The following MSN variants were observed in gnomAD, a reference collection of about 807,000 sequenced individuals.
MSN encodes the protein epididymis luminal protein 70.
In MSN, 2 loss-of-function variants were observed where a neutral mutation model predicts 48.0. The ratio of observed to expected loss-of-function variants is 0.04; its 90% CI spans 0.02 to 0.13. The LOEUF (loss-of-function observed/expected upper bound fraction) is 0.13, where lower values mean the gene tolerates loss of function less well. MSN is among the 10% of genes least tolerant of loss of function. The pLI, the probability that MSN is intolerant of heterozygous loss-of-function variation, is 1.00. For synonymous variants in MSN, 146 were observed against 166.9 expected (o/e 0.87, Z 0.97); for missense variants, 267 against 470.1 (o/e 0.57, Z 3.99).
chrX:65,680,663 G>T (rs1320263856), intron 1 of MSN, among the ~76,000 whole-genome samples: 1 of 111,537 alleles, frequency 9.0e-6, no homozygotes, highest in African/African-American at 3.3e-5. Context: ...TGGTAGCTTT[G>T]TGGGCCCAAG....
At chrX:65,690,951 T>C (rs1357574473) in intron 1 of MSN, among the ~76,000 whole-genome samples, 1 of 111,494 alleles carries the variant, frequency 9.0e-6, no homozygotes, top group Non-Finnish European at 1.9e-5. Flanking sequence ...GCTCCTTCTA[T>C]GGTAGGAAAG....
At chrX:65,676,367 T>C (rs1055552962) in intron 1 of MSN, among the ~76,000 whole-genome samples, 1 of 112,209 alleles carries the variant, frequency 8.9e-6, no homozygotes. Context: ...GCCACTAATA[T>C]GGCAAATGGC....
At position 65,728,336 on chromosome X, in the gene MSN, C is replaced by G. The variant is rs770478535; in HGVS notation, c.192+427C>G. Among the ~76,000 whole-genome samples the G allele has an allele frequency of 7.2e-5, 8 of 111,379 alleles. No individual in the cohort carries two copies. In the East Asian group the frequency reaches 2.3e-3, roughly 31 times the overall value. On this transcript the variant is annotated intron_variant, in intron 3 of 12. Transcript: ENST00000360270. ...TTTGACGGAGTCTCGCACTCTCGCC[C>G]AGGCTGGAGTGCAGTGGTGCCATCT... is the stretch of plus-strand genomic sequence containing the variant.
At chrX:65,616,904 T>C (rs1352832202) in intron 1 of MSN, among the ~76,000 whole-genome samples, 1 of 110,458 alleles carries the variant, frequency 9.1e-6, no homozygotes. Flanking sequence ...TTATTGAGAG[T>C]TTTTAGCATG....
chrX:65,588,490 C>G, exon 1 of MSN: 1 of 719,053 alleles, frequency 1.4e-6, no homozygotes. Flanking sequence ...GCAGGGGCAG[C>G]CATGAGCTCC....
At chrX:65,648,142 G>C (rs1040560606) in intron 1 of MSN, among the ~76,000 whole-genome samples, 1 of 109,751 alleles carries the variant, frequency 9.1e-6, no homozygotes, top group African/African-American at 3.3e-5. Context: ...GGGTGGGGGG[G>C]GCGTGAGGAA....
At chrX:65,656,101 A>G (rs1462626923) in intron 1 of MSN, among the ~76,000 whole-genome samples, 1 of 112,513 alleles carries the variant, frequency 8.9e-6, no homozygotes, top group East Asian at 2.8e-4. Context: ...GAATTATTGT[A>G]TGGATATACC....
chrX:65,666,533 G>A (rs2070872407), upstream of MSN, among the ~76,000 whole-genome samples: 1 of 110,511 alleles, frequency 9.0e-6, no homozygotes, highest in African/African-American at 3.3e-5. Flanking sequence ...TGGCCAGGCT[G>A]GTCTTGAACT....
intron 1 of MSN, among the ~76,000 whole-genome samples, chrX:65,620,280 G>A (rs1394828389): frequency 1.8e-5 from 2 of 112,613 alleles, no homozygotes; most frequent in South Asian, 3.6e-4. Flanking sequence ...AGCAAGCCTG[G>A]GCAATGGAGG....
chrX:65,625,120 A>G (rs2070493630), intron 1 of MSN: 1 of 112,649 alleles, frequency 8.9e-6, no homozygotes, highest in Admixed American at 9.4e-5. Context: ...ACTTCACTGC[A>G]TGTGGTCGAG....
At chrX:65,651,316 TAA>T (rs202012665) in intron 1 of MSN, among the ~76,000 whole-genome samples, 7 of 77,035 alleles carry the variant, frequency 9.1e-5, no homozygotes, top group Admixed American at 3.1e-4. Context: ...AGACTCTATC[TAA>T]AAAAAAAAAA....
chrX:65,672,630 A>T (rs1202143278), intron 1 of MSN, among the ~76,000 whole-genome samples: 1 of 111,572 alleles, frequency 9.0e-6, no homozygotes, highest in East Asian at 2.8e-4. Flanking sequence ...TGAACTGAGA[A>T]TTTTTCTTCT....
intron 2 of MSN, among the ~76,000 whole-genome samples, chrX:65,719,590 T>C (rs1054944409): frequency 8.9e-6 from 1 of 111,809 alleles, no homozygotes; most frequent in Non-Finnish European, 1.9e-5. Context: ...CATAGGCTTT[T>C]GGGCCCTTTG....
At chrX:65,722,535 C>T (rs1414406033) in intron 2 of MSN, among the ~76,000 whole-genome samples, 1 of 109,419 alleles carries the variant, frequency 9.1e-6, no homozygotes, top group Non-Finnish European at 1.9e-5. Flanking sequence ...AGTGATCCTC[C>T]CACTTCAGCC....
chrX:65,625,798 C>T (rs909436899), intron 1 of MSN: 2 of 105,131 alleles, frequency 1.9e-5, no homozygotes, highest in Admixed American at 9.8e-5. Context: ...CTTACTTCTA[C>T]CTTTTTGCTA....
chrX:65,739,587 G>T, intron 12 of MSN, 142 bp from the exon 13 acceptor site: 1 of 679,909 alleles, frequency 1.5e-6, no homozygotes, highest in Non-Finnish European at 2.1e-6. Context: ...TAACAGAGTT[G>T]GAAATGACTC....
At chrX:65,655,736 A>G (rs777053569) in intron 1 of MSN, among the ~76,000 whole-genome samples, 4 of 112,579 alleles carry the variant, frequency 3.6e-5, no homozygotes, top group Non-Finnish European at 5.6e-5. Context: ...ACCTCTTTTC[A>G]TGATAGCTTG....
chrX:65,695,507 C>CAA (rs759652563), intron 1 of MSN, among the ~76,000 whole-genome samples: 368 of 12,921 alleles, frequency 0.028, 28 homozygotes, highest in African/African-American at 0.048. Flanking sequence ...AACTCTGTCT[C>CAA]AAAAAAAAAA....
chrX:65,732,734 G>A (rs2071634894), intron 6 of MSN, among the ~76,000 whole-genome samples: 1 of 112,364 alleles, frequency 8.9e-6, no homozygotes, highest in South Asian at 3.6e-4. Context: ...TAGGGCTGGG[G>A]ATTCCCTTGA....
Sources: gnomAD v4.1 joint callset for allele counts (sites outside exome capture counted in the v4.1 genomes callset) on GRCh38, gnomAD v4.1.1 for gene constraint, MANE v1.5 for transcripts, NCBI Gene and HGNC (gene_info 2026-07-23, HGNC 2026-07-21) for gene names.